NR3C2: variants seen among roughly 807,000 people sequenced by gnomAD.
NR3C2 encodes the protein nuclear receptor subfamily 3 group C member 2, also known as mineralocorticoid receptor.
NR3C2 carries 15 observed loss-of-function variants against 86.4 expected under a neutral mutation model. The observed-to-expected ratio is 0.17, with a 90% confidence interval of 0.12 to 0.27. NR3C2 has a LOEUF of 0.27. NR3C2 is among the 10% of genes least tolerant of loss of function. The pLI, the probability that NR3C2 is intolerant of heterozygous loss-of-function variation, is 1.00. For missense variants in NR3C2, 960 were observed against 1,195.6 expected, an observed-to-expected ratio of 0.80 and a Z score of 2.91; for synonymous variants, 458 against 450.5, an observed-to-expected ratio of 1.02 and a Z score of -0.21.
At chr4:148,348,079 G>A (rs541435646) in intron 2 of NR3C2, among the ~76,000 whole-genome samples, 2 of 152,232 alleles carry the variant, frequency 1.3e-5, no homozygotes, top group South Asian at 4.1e-4. Context: ...TGTTTCTGAA[G>A]AGAAGAGGAA....
At chr4:148,366,945 C>T (rs913053771) in intron 2 of NR3C2, among the ~76,000 whole-genome samples, 6 of 152,150 alleles carry the variant, frequency 3.9e-5, no homozygotes, top group African/African-American at 1.4e-4. Context: ...CTACTTCACT[C>T]CTATGATTTA....
intron 3 of NR3C2, among the ~76,000 whole-genome samples, chr4:148,211,316 AT>A (rs2149816706): frequency 6.6e-6 from 1 of 152,348 alleles, no homozygotes; most frequent in East Asian, 1.9e-4. Context: ...TAAAACACAA[AT>A]TTTAAACAGC....
At chr4:148,418,601 T>C (rs906389940) in intron 2 of NR3C2, among the ~76,000 whole-genome samples, 1 of 152,214 alleles carries the variant, frequency 6.6e-6, no homozygotes, top group African/African-American at 2.4e-5. Flanking sequence ...GGTCATACTC[T>C]CATATGAGTA....
intron 7 of NR3C2, among the ~76,000 whole-genome samples, chr4:148,116,517 C>A (rs576871526): frequency 2.6e-5 from 4 of 152,304 alleles, no homozygotes; most frequent in African/African-American, 9.6e-5. Context: ...TCCTCAAGAA[C>A]ATGAGAGCCT....
intron 8 of NR3C2, among the ~76,000 whole-genome samples, chr4:148,110,756 ATTC>A (rs1214171725): frequency 1.3e-5 from 2 of 152,252 alleles, no homozygotes; most frequent in Admixed American, 1.3e-4. Context: ...AAGAAGTGGT[ATTC>A]TTCTTCCAGC....
chr4:148,193,997 T>A (rs560458370), intron 4 of NR3C2, among the ~76,000 whole-genome samples: 38 of 152,348 alleles, frequency 2.5e-4, no homozygotes, highest in African/African-American at 8.4e-4. Flanking sequence ...TTTCTTGACC[T>A]TCTGTTAATC....
chr4:148,394,739 A>G (rs1747772873), intron 2 of NR3C2, among the ~76,000 whole-genome samples: 1 of 152,182 alleles, frequency 6.6e-6, no homozygotes, highest in African/African-American at 2.4e-5. Flanking sequence ...TGGGTACTAC[A>G]CAGAAGCAGG....
Position 148,177,284 on chromosome 4 carries a change from T to C in NR3C2, c.2014+17462A>G, listed in dbSNP as rs1484218217. ...TTAAAATATGTTAGAATTGGGTTAG[T>C]GCCTTTTAAGGTATATTATCTGTCC... On this transcript the variant is annotated intron_variant, in intron 4 of 8. Transcript: ENST00000358102. 2.0e-5 allele frequency among the ~76,000 whole-genome samples: 3 copies of C among 152,324 alleles called. No homozygotes were observed. In the East Asian group the frequency reaches 5.8e-4, roughly 29 times the overall value.
chr4:148,130,814 G>GTTTTTTTTTTTTTTTTTTTTTT (rs1193845630), intron 6 of NR3C2, among the ~76,000 whole-genome samples: 1 of 77,054 alleles, frequency 1.3e-5, no homozygotes, highest in Non-Finnish European at 2.7e-5. Flanking sequence ...GTTTTGTTTT[G>GTTTTTTTTTTTTTTTTTTTTTT]TTTTGTTTTT....
chr4:148,361,856 A>G (rs1297841293), intron 2 of NR3C2, among the ~76,000 whole-genome samples: 1 of 102,248 alleles, frequency 9.8e-6, no homozygotes, highest in African/African-American at 3.6e-5. Flanking sequence ...TTTGTTTTTG[A>G]GACAGAGTTT....
intron 2 of NR3C2, among the ~76,000 whole-genome samples, chr4:148,320,436 G>A (rs901241824): frequency 2.3e-5 from 3 of 127,852 alleles, no homozygotes; most frequent in African/African-American, 9.7e-5. Flanking sequence ...GATTGGAATA[G>A]TTTCAGAAGG....
At chr4:148,382,930 C>T (rs1338190997) in intron 2 of NR3C2, among the ~76,000 whole-genome samples, 8 of 152,124 alleles carry the variant, frequency 5.3e-5, no homozygotes, top group Admixed American at 3.9e-4. Flanking sequence ...TCTGCCAGCA[C>T]CTCAATCCTT....
At chr4:148,152,225 A>T (rs1276762101) in intron 6 of NR3C2, among the ~76,000 whole-genome samples, 1 of 152,172 alleles carries the variant, frequency 6.6e-6, no homozygotes, top group Admixed American at 6.5e-5. Context: ...TTCTTTTGGG[A>T]TATATCCCAC....
At chr4:148,223,269 C>T (rs1737959811) in intron 3 of NR3C2, among the ~76,000 whole-genome samples, 1 of 152,114 alleles carries the variant, frequency 6.6e-6, no homozygotes, top group East Asian at 1.9e-4. Context: ...AAATGCATCC[C>T]TACTTCTCCG....
At chr4:148,354,212 C>G (rs528830884) in intron 2 of NR3C2, among the ~76,000 whole-genome samples, 1 of 152,020 alleles carries the variant, frequency 6.6e-6, no homozygotes, top group Non-Finnish European at 1.5e-5. Context: ...ACTTAATGAA[C>G]AGTTAAGTAT....
intron 6 of NR3C2, among the ~76,000 whole-genome samples, chr4:148,142,563 C>T (rs1237346022): frequency 6.6e-6 from 1 of 152,130 alleles, no homozygotes; most frequent in Admixed American, 6.5e-5. Flanking sequence ...GGCGCAACCA[C>T]GGCTCCCTGC....
At chr4:148,126,256 T>A (rs558351559) in intron 6 of NR3C2, among the ~76,000 whole-genome samples, 2 of 152,334 alleles carry the variant, frequency 1.3e-5, no homozygotes, top group East Asian at 3.9e-4. Flanking sequence ...AATTCCAATC[T>A]TGCAGGGATG....
intron 6 of NR3C2, among the ~76,000 whole-genome samples, chr4:148,126,700 C>T (rs1732762851): frequency 6.6e-6 from 1 of 151,916 alleles, no homozygotes; most frequent in East Asian, 1.9e-4. Flanking sequence ...TTTTTTTTGC[C>T]ACTGCAGTAT....
chr4:148,401,744 G>C (rs1231361960), intron 2 of NR3C2, among the ~76,000 whole-genome samples: 1 of 152,006 alleles, frequency 6.6e-6, no homozygotes, highest in Admixed American at 6.5e-5. Context: ...TTACAGGTGT[G>C]AGCCACCACG....
Sources: allele counts gnomAD v4.1 joint callset (sites outside exome capture counted in the v4.1 genomes callset), GRCh38; gene constraint gnomAD v4.1.1; transcripts MANE v1.5; gene names NCBI Gene and HGNC (gene_info 2026-07-23, HGNC 2026-07-21).